The following CYP24A1 variants were observed in gnomAD, a reference collection of about 807,000 sequenced individuals.
The protein encoded by CYP24A1 is cytochrome P450 family 24 subfamily A member 1, also known as 1,25-dihydroxyvitamin D(3) 24-hydroxylase, mitochondrial.
A neutral mutation model predicts 62.4 loss-of-function variants in CYP24A1; 68 were observed. The ratio of observed to expected loss-of-function variants is 1.09; its 90% CI spans 0.90 to 1.33. The LOEUF (loss-of-function observed/expected upper bound fraction) is 1.33, where lower values mean the gene tolerates loss of function less well. Ranked by LOEUF, CYP24A1 falls within the 40% of genes most tolerant of loss-of-function variation. The pLI is 0.00. For synonymous variants in CYP24A1, 267 were observed against 253.0 expected, an observed-to-expected ratio of 1.06 and a Z score of -0.52; for missense variants, 787 against 653.0, an observed-to-expected ratio of 1.21 and a Z score of -2.24.
In CYP24A1 at chr20:54,173,446, G is replaced by T. The variant is rs777546694; in HGVS notation, c.134C>A (p.Pro45Gln). The T allele has an allele frequency of 1.3e-6, 2 of 1,568,194 alleles. No individual in the cohort carries two copies. The highest frequency in any genetic ancestry group is 2.7e-5 in the African/African-American group (2 of 73,890). Reference protein sequence around the residue: ...SPQPREVPVCPLTAGGETQNA... With the variant: ...SPQPREVPVCQLTAGGETQNA... ...CTGAGTCTCGCCACCAGCTGTCAGC[G>T]GGCAGACTGGCACCTCTCGCGGCTG... Residue 45 changes from proline (P) to glutamine (Q), a missense_variant, in exon 1 of 12, where the codon CCG becomes CAG. By Grantham distance (76) the Pro-to-Gln change is moderately conservative (BLOSUM62 -1). Transcript: ENST00000216862. The surrounding 1 kb of genome is among the most constrained non-coding windows in gnomAD (Gnocchi z 7.2).
chr20:54,151,820 C>T (rs1345364567), downstream of CYP24A1, among the ~76,000 whole-genome samples: 1 of 152,140 alleles, frequency 6.6e-6, no homozygotes, highest in African/African-American at 2.4e-5. Flanking sequence ...CCTGGCTTCC[C>T]TACATACTAA....
At chr20:54,157,115 T>A in intron 11 of CYP24A1, 54 bp downstream of exon 11, 2 of 872,354 alleles carry the variant, frequency 2.3e-6, no homozygotes, top group Admixed American at 1.9e-5. Context: ...GCATAGCTCA[T>A]CCCTCGTCAT....
rs575398622 is a variant in CYP24A1, at chr20:54,171,084, T to C, written c.543+493A>G. On this transcript the variant is annotated intron_variant, in intron 3 of 11. Transcript: ENST00000216862. ...TCCCTGTTTTCAGAAGGCTACTCTG[T>C]CTGCCTTAATGCCTTCCCCCACTTT... 2.6e-5 allele frequency among the ~76,000 whole-genome samples: 4 copies of C among 152,332 alleles called. No homozygotes were observed. In the South Asian group the frequency reaches 8.3e-4, roughly 32 times the overall value.
chr20:54,152,934 C>T (rs558582842), downstream of CYP24A1, among the ~76,000 whole-genome samples: 2 of 152,268 alleles, frequency 1.3e-5, no homozygotes, highest in South Asian at 4.1e-4. Context: ...TATTAGTGGT[C>T]CAGGCAAGAG....
At chr20:54,160,467 T>G (rs376811858) in intron 7 of CYP24A1, among the ~76,000 whole-genome samples, 5 of 152,246 alleles carry the variant, frequency 3.3e-5, no homozygotes, top group South Asian at 4.1e-4. Flanking sequence ...CATGTGCCAC[T>G]CACACAAATG....
downstream of CYP24A1, among the ~76,000 whole-genome samples, chr20:54,150,314 A>G (rs751093748): frequency 3.3e-5 from 5 of 152,168 alleles, no homozygotes; most frequent in Non-Finnish European, 7.3e-5. Context: ...CTTCATGCTG[A>G]TATAGCAGGA....
At chr20:54,156,811 C>T (rs560236967) in intron 11 of CYP24A1, among the ~76,000 whole-genome samples, 15 of 152,260 alleles carry the variant, frequency 9.9e-5, no homozygotes, top group East Asian at 7.7e-4. Context: ...ACTGTATGGT[C>T]CATAAAACCT....
At chr20:54,157,991 A>AT in intron 9 of CYP24A1, 95 bp downstream of exon 9, 3 of 1,568,130 alleles carry the variant, frequency 1.9e-6, no homozygotes, top group South Asian at 2.3e-5. Context: ...CAAAATGAAT[A>AT]TTTTCCAGTA....
chr20:54,152,202 A>G (rs2092613676), downstream of CYP24A1, among the ~76,000 whole-genome samples: 1 of 152,144 alleles, frequency 6.6e-6, no homozygotes, highest in African/African-American at 2.4e-5. Context: ...CCTTCTGGCT[A>G]CTATAGCCAT....
intron 4 of CYP24A1, among the ~76,000 whole-genome samples, chr20:54,168,672 T>TTC (rs575587461): frequency 3.3e-4 from 50 of 152,122 alleles, no homozygotes; most frequent in African/African-American, 1.1e-3. Context: ...TGTTATTTCT[T>TTC]TCTCTCTCTC....
At chr20:54,170,363 C>T (rs907681494) in intron 3 of CYP24A1, among the ~76,000 whole-genome samples, 2 of 152,150 alleles carry the variant, frequency 1.3e-5, no homozygotes, top group African/African-American at 4.8e-5. Flanking sequence ...GGTACCGTCT[C>T]TACTCATTTC....
In CYP24A1 at chr20:54,173,186, A is replaced by C. The variant is rs116934993; in HGVS notation, c.259-87T>G. ...TCCCTCCTCCCGCCTCCTTCCTCCT[A>C]GGGGACCGGGGACCCTCCCTGCCCA... is the stretch of plus-strand genomic sequence containing the variant. On this transcript the variant is annotated intron_variant, in intron 1 of 11. Coordinates refer to ENST00000216862, the MANE Select transcript of CYP24A1 (RefSeq NM_000782.5). This position sits in a 1 kb window ranked among gnomAD's most constrained non-coding sequence, Gnocchi z 7.2. 0.022 allele frequency: 34,193 copies of C among 1,546,040 alleles called. 461 individuals are homozygous for C. Among genetic ancestry groups the C allele is most frequent in the Middle Eastern group, 0.032 (170 of 5,252 alleles).
intron 3 of CYP24A1, among the ~76,000 whole-genome samples, chr20:54,170,883 A>G (rs1207452014): frequency 6.6e-6 from 1 of 152,238 alleles, no homozygotes; most frequent in Non-Finnish European, 1.5e-5. Context: ...AAGTAAAAAG[A>G]GATTACTTTA....
At chr20:54,155,450 A>C (rs780831949) in intron 11 of CYP24A1, among the ~76,000 whole-genome samples, 1 of 152,030 alleles carries the variant, frequency 6.6e-6, no homozygotes, top group Non-Finnish European at 1.5e-5. Flanking sequence ...TCTTATTTCC[A>C]CCACCAGGGG....
chr20:54,164,636 A>G, intron 5 of CYP24A1, 73 bp from the exon 6 acceptor site: 1 of 1,612,174 alleles, frequency 6.2e-7, no homozygotes, highest in Non-Finnish European at 8.5e-7. Flanking sequence ...CTGGAAGAGG[A>G]ACATTCTAAA....
chr20:54,149,354 A>T (rs2092609141), downstream of CYP24A1, among the ~76,000 whole-genome samples: 1 of 152,184 alleles, frequency 6.6e-6, no homozygotes, highest in African/African-American at 2.4e-5. Context: ...GCTTATTATG[A>T]CACCTTTCTG....
Position 54,172,994 on chromosome 20 carries a change from C to T in CYP24A1, c.364G>A (p.Glu122Lys), listed in dbSNP as rs762334108. 7 of 1,612,490 alleles carry T rather than the reference C, an allele frequency of 4.3e-6. No homozygotes were observed. The highest frequency in any genetic ancestry group is 3.4e-6 in the Non-Finnish European group (4 of 1,180,048). Residue 122 changes from glutamate (E) to lysine (K), a missense_variant, in exon 2 of 12, where the codon GAG (glutamate) becomes AAG (lysine). Glu to Lys is a moderately conservative substitution (Grantham distance 56, BLOSUM62 1). Transcript: ENST00000216862. ...TCCAGCCGCTGCGGGTACGCGCTCT[C>T]GGTGCGGTACAGCGCTTCCAGCAGG... ...PCLLEALYRT[E>K]SAYPQRLEIK...
chr20:54,163,536 C>A (rs891393256), intron 6 of CYP24A1, among the ~76,000 whole-genome samples: 2 of 152,204 alleles, frequency 1.3e-5, no homozygotes, highest in Admixed American at 6.5e-5. Context: ...CTTGGCTTTG[C>A]CATCACCTAG....
chr20:54,170,585 T>C (rs2092690614), intron 3 of CYP24A1, among the ~76,000 whole-genome samples: 2 of 152,188 alleles, frequency 1.3e-5, no homozygotes, highest in South Asian at 4.1e-4. Flanking sequence ...AGAGGTTTCA[T>C]ATGAACATAT....
Sources: allele counts gnomAD v4.1 joint callset (sites outside exome capture counted in the v4.1 genomes callset), GRCh38; gene constraint gnomAD v4.1.1; non-coding constraint Gnocchi (gnomAD v3.1); transcripts MANE v1.5; gene names NCBI Gene and HGNC (gene_info 2026-07-23, HGNC 2026-07-21).